Variants in LRP1B observed in about 807,000 individuals in gnomAD.
LRP1B encodes low-density lipoprotein receptor-related protein 1B.
A neutral mutation model predicts 556.6 loss-of-function variants in LRP1B; 217 were observed. The observed-to-expected ratio is 0.39, with a 90% confidence interval of 0.35 to 0.44. The LOEUF (loss-of-function observed/expected upper bound fraction) is 0.44, where lower values mean the gene tolerates loss of function less well. Among genes scored for constraint, LRP1B ranks in the 20% least tolerant of loss-of-function variants. LRP1B has a pLI of 1.00. For missense variants in LRP1B, 5,053 were observed against 5,620.8 expected, an observed-to-expected ratio of 0.90 and a Z score of 3.23; for synonymous variants, 2,047 against 1,865.8, an observed-to-expected ratio of 1.10 and a Z score of -2.50.
In LRP1B at chr2:140,247,090, G is replaced by A. The variant is rs1410788100; in HGVS notation, c.13320C>T (p.Ser4440=). The A allele has an allele frequency of 6.2e-7, 1 of 1,607,456 alleles. No individual in the cohort carries two copies. Among genetic ancestry groups the A allele is most frequent in the South Asian group, 1.1e-5 (1 of 90,934 alleles). ...ATATTAATCTGAGAAACTTACTTGT[G>A]CTGATATGATCAGACTTGCTGCTCT... ...APKSSKSDHI[S]TRSIAIIVPL... The change falls in exon 87 of 91, where the codon AGC becomes AGT. Residue 4440 remains serine (S), a synonymous_variant. Coordinates refer to ENST00000389484, the MANE Select transcript of LRP1B (RefSeq NM_018557.3).
At chr2:140,651,910 C>A (rs1684702835) in intron 41 of LRP1B, among the ~76,000 whole-genome samples, 1 of 151,978 alleles carries the variant, frequency 6.6e-6, no homozygotes, top group South Asian at 2.1e-4. Context: ...TAACATATTA[C>A]CTTCAGAAAA....
chr2:141,002,582 A>G (rs1697457518), intron 15 of LRP1B, among the ~76,000 whole-genome samples: 1 of 152,098 alleles, frequency 6.6e-6, no homozygotes, highest in Non-Finnish European at 1.5e-5. Context: ...AATACCTAAT[A>G]CAAGGCAAAT....
At chr2:140,755,281 G>T (rs1688707430) in intron 35 of LRP1B, among the ~76,000 whole-genome samples, 1 of 151,984 alleles carries the variant, frequency 6.6e-6, no homozygotes, top group Non-Finnish European at 1.5e-5. Context: ...CCAAGAACCA[G>T]ATTATGAGGA....
intron 86 of LRP1B, among the ~76,000 whole-genome samples, chr2:140,252,755 C>T (rs549277000): frequency 6.6e-6 from 1 of 152,070 alleles, no homozygotes; most frequent in Non-Finnish European, 1.5e-5. Flanking sequence ...ATAATCTGTC[C>T]CTGTCTGCGA....
intron 1 of LRP1B, among the ~76,000 whole-genome samples, chr2:142,040,572 G>C (rs1267952885): frequency 6.7e-6 from 1 of 148,770 alleles, no homozygotes; most frequent in East Asian, 2.0e-4. Context: ...GGAATGAAAA[G>C]TACACGGTTT....
chr2:140,267,969 C>T (rs549338516), intron 86 of LRP1B, among the ~76,000 whole-genome samples: 19 of 151,926 alleles, frequency 1.3e-4, no homozygotes, highest in African/African-American at 4.1e-4. Context: ...TGGGCTGCTA[C>T]ACCCATGAGA....
intron 7 of LRP1B, among the ~76,000 whole-genome samples, chr2:141,074,585 C>CTATA (rs1412050314): frequency 6.4e-5 from 6 of 94,386 alleles, no homozygotes; most frequent in South Asian, 3.4e-4. Flanking sequence ...CTCTCTCTCT[C>CTATA]TCTCTATATA....
intron 1 of LRP1B, among the ~76,000 whole-genome samples, chr2:141,965,747 TAAA>T (rs753039771): frequency 2.5e-5 from 2 of 78,616 alleles, no homozygotes; most frequent in Admixed American, 3.4e-4. Context: ...AAAGTAGAAT[TAAA>T]AAAAATAATA....
chr2:141,755,270 A>AAC (rs1694274557), intron 2 of LRP1B, among the ~76,000 whole-genome samples: 4 of 152,134 alleles, frequency 2.6e-5, no homozygotes, highest in Admixed American at 2.0e-4. Context: ...TCTAAAAGAT[A>AAC]TGGAAGTTAG....
rs369330877 is a variant in LRP1B, at chr2:140,416,133, G to A, written c.10414+26371C>T. 2.6e-3 allele frequency among the ~76,000 whole-genome samples: 399 copies of A among 152,250 alleles called. 2 individuals are homozygous for A. The highest frequency in any genetic ancestry group is 9.1e-3 in the African/African-American group (379 of 41,558). On this transcript the variant is annotated intron_variant, in intron 66 of 90. Transcript: ENST00000389484. ...TTCACAATGGCTACCCATTGCTCACGTTACGACCTGAACTCTGCCTCCTGT... is the reference window on the plus strand; with the variant it reads ...TTCACAATGGCTACCCATTGCTCACATTACGACCTGAACTCTGCCTCCTGT...
At position 140,994,002 on chromosome 2, in the gene LRP1B, T is replaced by C; in HGVS notation, c.2637A>G (p.Val879=). 6.2e-7 allele frequency: 1 copy of C among 1,612,322 alleles called. No homozygotes were observed. The highest frequency in any genetic ancestry group is 1.1e-5 in the South Asian group (1 of 91,008). ...ACTTGGAAGAGAACATACAGCAGTT[T>C]ACTGAATCCTCATCGCTTCCGTCTA... The part of the protein sequence containing the change: ...DCLDGSDEDS[V]NCFNHSCPDD... Residue 879 remains valine (V), a synonymous_variant, in exon 16 of 91, where the codon GTA becomes GTG. Coordinates refer to ENST00000389484, the MANE Select transcript of LRP1B (RefSeq NM_018557.3).
In LRP1B at chr2:141,031,251, T is replaced by TCACACACACACA. The variant is rs72098612; in HGVS notation, c.1790-11161_1790-11150dup. Among the ~76,000 whole-genome samples the TCACACACACACA allele has an allele frequency of 1.2e-3, 144 of 121,622 alleles. No homozygotes were observed. The Middle Eastern group carries it at 0.012, about 10-fold the overall frequency. The allele number at this position is 121,622 out of a possible 152,430, so 79.8% of individuals were successfully genotyped here. A position where few individuals can be genotyped will look rare whatever the true frequency, so the allele number is the denominator to read the frequency against. On this transcript the variant is annotated intron_variant, in intron 11 of 90. Coordinates refer to ENST00000389484, the MANE Select transcript of LRP1B (RefSeq NM_018557.3). ...CTATATATAATGGCATATATACATA[T>TCACACACACACA]CACACACACACACACACACACACAC...
At chr2:141,942,781 G>A (rs1338507479) in intron 1 of LRP1B, among the ~76,000 whole-genome samples, 1 of 152,188 alleles carries the variant, frequency 6.6e-6, no homozygotes, top group Non-Finnish European at 1.5e-5. Context: ...GTGGACAACA[G>A]AGACTAGGAG....
chr2:140,526,144 T>A (rs1001118953), intron 48 of LRP1B, 93 bp downstream of exon 48: 1 of 1,401,166 alleles, frequency 7.1e-7, no homozygotes, highest in African/African-American at 1.4e-5. Flanking sequence ...ACATACCAAT[T>A]TTGGACAAAG....
At chr2:140,493,185 A>T (rs1688777174) in intron 56 of LRP1B, among the ~76,000 whole-genome samples, 1 of 152,156 alleles carries the variant, frequency 6.6e-6, no homozygotes, top group Non-Finnish European at 1.5e-5. Context: ...GACTTGTCTT[A>T]AATAATTTCT....
intron 3 of LRP1B, among the ~76,000 whole-genome samples, chr2:141,402,777 G>C (rs748651594): frequency 2.0e-5 from 3 of 151,944 alleles, no homozygotes; most frequent in Non-Finnish European, 4.4e-5. Context: ...GCTTAAGTTT[G>C]GAGAATTTAT....
At chr2:141,320,352 T>C (rs1440480855) in intron 3 of LRP1B, among the ~76,000 whole-genome samples, 1 of 152,078 alleles carries the variant, frequency 6.6e-6, no homozygotes, top group Non-Finnish European at 1.5e-5. Context: ...CATCAAAGTG[T>C]ACGATTACAA....
chr2:141,108,836 G>A (rs1260828497), intron 7 of LRP1B, among the ~76,000 whole-genome samples: 5 of 152,106 alleles, frequency 3.3e-5, no homozygotes, highest in Non-Finnish European at 7.3e-5. Context: ...TGTGGGCCAA[G>A]CTTCCTTTGG....
At chr2:140,285,364 C>T (rs1384081651) in intron 84 of LRP1B, among the ~76,000 whole-genome samples, 1 of 150,234 alleles carries the variant, frequency 6.7e-6, no homozygotes, top group East Asian at 2.0e-4. Context: ...CATATATACA[C>T]ATACATATAT....
Sources: allele counts gnomAD v4.1 joint callset (sites outside exome capture counted in the v4.1 genomes callset), GRCh38; gene constraint gnomAD v4.1.1; transcripts MANE v1.5; gene names NCBI Gene and HGNC (gene_info 2026-07-23, HGNC 2026-07-21).